Variants in CCDC177 observed in about 807,000 individuals in gnomAD.
The protein encoded by CCDC177 is coiled-coil domain containing 177, also known as coiled-coil domain-containing protein 177.
CCDC177 carries 2 observed loss-of-function variants against 7.3 expected under a neutral mutation model. The observed-to-expected ratio is 0.28, with a 90% CI of 0.11 to 0.87. The LOEUF (loss-of-function observed/expected upper bound fraction) is 0.87. Among genes scored for constraint, CCDC177 ranks in the 40% least tolerant of loss-of-function variants. The probability of loss-of-function intolerance (pLI) is 0.61; values close to 1 mark genes in which losing one functional copy is unlikely to be tolerated. For synonymous variants in CCDC177, 401 were observed against 449.2 expected (o/e 0.89, Z 1.36); for missense variants, 874 against 970.5 (o/e 0.90, Z 1.32).
rs1334340403 is a variant in CCDC177 at position 69,570,799 on chromosome 14, T to C, written c.*700A>G. ...CCAACCAATTTCCTGTGCCACTTGG[T>C]AGAATGAGGGAGGGGGCAAAGGACA... On this transcript the variant is annotated 3_prime_UTR_variant, in exon 2 of 2. Transcript: ENST00000599174. 1 of 457,474 alleles carries C rather than the reference T, an allele frequency of 2.2e-6. No homozygotes were observed. Among genetic ancestry groups the C allele is most frequent in the Admixed American group, 2.3e-5 (1 of 42,578 alleles). 28.3% of individuals were successfully genotyped at this position (457,474 alleles called of 1,614,324 possible).
In CCDC177 at chr14:69,572,423, C is replaced by T; in HGVS notation, c.1200G>A (p.Glu400=). The part of the protein sequence containing the change: ...QGRRAWAAQV[E]ERRGRRGREE... ...CGCGGCCACGGCGGCCTCGCCGCTC[C>T]TCCACCTGCGCGGCCCAGGCTCGGC... The change falls in exon 2 of 2, where the codon GAG becomes GAA. Residue 400 remains glutamate, a synonymous_variant. Transcript: ENST00000599174. The T allele has an allele frequency of 1.6e-6, 2 of 1,227,596 alleles. No individual in the cohort carries two copies. The highest frequency in any genetic ancestry group is 2.0e-6 in the Non-Finnish European group (2 of 985,402). The allele number at this position is 1,227,596 out of a possible 1,614,324, so 76.0% of individuals were successfully genotyped here.
chr14:69,572,062 G>A lies in CCDC177; in HGVS notation c.1561C>T (p.Arg521Trp). The stretch of plus-strand genomic sequence containing the variant: ...CCCTCTCGCTCCTGGCGCTGCTGCC[G>A]GGTCCGACCCTGTAGCAGCGCCTCG... ...RHEALLQGRT[R>W]QQRQEREGLR... Residue 521 changes from arginine to tryptophan, a missense_variant, in exon 2 of 2, where the codon CGG becomes TGG. Coordinates refer to ENST00000599174, the MANE Select transcript of CCDC177 (RefSeq NM_001271507.2). 8.1e-7 allele frequency: 1 copy of A among 1,230,850 alleles called. No homozygotes were observed. The highest frequency in any genetic ancestry group is 1.0e-6 in the Non-Finnish European group (1 of 987,408). 76.2% of individuals were successfully genotyped at this position (1,230,850 alleles called of 1,614,324 possible).
chr14:69,573,660 A>G lies in CCDC177; in HGVS notation c.-28-10T>C. 8.1e-7 allele frequency: 1 copy of G among 1,231,748 alleles called. No homozygotes were observed. Among genetic ancestry groups the G allele is most frequent in the Non-Finnish European group, 1.0e-6 (1 of 987,958 alleles). 76.3% of individuals were successfully genotyped at this position (1,231,748 alleles called of 1,614,324 possible). A position where few individuals can be genotyped will look rare whatever the true frequency, so the allele number is the denominator to read the frequency against. On this transcript the variant is annotated splice_polypyrimidine_tract_variant and intron_variant, in intron 1 of 1. Coordinates refer to ENST00000599174, the MANE Select transcript of CCDC177 (RefSeq NM_001271507.2). Reference sequence around the variant, plus strand: ...TCCTTTGTTGGAATCTCTGCAGATCACAAGGAGGGACATCGAGGAATACGT... The same window carrying G: ...TCCTTTGTTGGAATCTCTGCAGATCGCAAGGAGGGACATCGAGGAATACGT...
chr14:69,573,745 G>T, intron 1 of CCDC177, 95 bp from the exon 2 acceptor site: 1 of 1,104,734 alleles, frequency 9.1e-7, no homozygotes, highest in South Asian at 4.7e-5. Flanking sequence ...ATCCGCTTTC[G>T]GATTAGGCTC....
intron 1 of CCDC177, among the ~76,000 whole-genome samples, chr14:69,574,267 T>C (rs1480335303): frequency 6.6e-6 from 1 of 152,168 alleles, no homozygotes; most frequent in Non-Finnish European, 1.5e-5. Flanking sequence ...TGGCAGGGCT[T>C]ACTGAGGGCT....
In CCDC177 at chr14:69,571,113, G is replaced by A. The variant is rs1884315225; in HGVS notation, c.*386C>T. 8.4e-6 allele frequency: 4 copies of A among 474,550 alleles called. No homozygotes were observed. Among genetic ancestry groups the A allele is most frequent in the South Asian group, 5.1e-5 (3 of 58,762 alleles). The allele number at this position is 474,550 out of a possible 1,614,324, so 29.4% of individuals were successfully genotyped here. A position where few individuals can be genotyped will look rare whatever the true frequency, so the allele number is the denominator to read the frequency against. ...TCTCAGACACCAATGTCGAACAGGT[G>A]CCTGGGGCAACTGCTGCAGAAGGGG... On this transcript the variant is annotated 3_prime_UTR_variant, in exon 2 of 2. Coordinates refer to ENST00000599174, the MANE Select transcript of CCDC177 (RefSeq NM_001271507.2).
rs973874136 is a variant in CCDC177, at chr14:69,572,497, G to T, written c.1126C>A (p.Arg376=). Residue 376 remains arginine, a synonymous_variant, in exon 2 of 2, where the codon CGG becomes AGG. Transcript: ENST00000599174. ...TTCTCCCGCTCCTCGCGCTCCCGCC[G>T]CTGCTTGGCGTGCACGCGCTGCAGC... ...WELQRVHAKQ[R]REREEREKQR... 1.4e-5 allele frequency: 17 copies of T among 1,230,720 alleles called. No homozygotes were observed. Among genetic ancestry groups the T allele is most frequent in the Non-Finnish European group, 1.7e-5 (17 of 987,378 alleles). The allele number at this position is 1,230,720 out of a possible 1,614,324, so 76.2% of individuals were successfully genotyped here. A position where few individuals can be genotyped will look rare whatever the true frequency, so the allele number is the denominator to read the frequency against.
chr14:69,571,311 GAAGT>G lies in CCDC177; in HGVS notation c.*184_*187del, dbSNP rs957941178. ...GCAGATTGTGCTGTCATCTCCAAATGAAGTAAGTTTTAAAAACAAAGGGGGCCAG... is the reference window on the plus strand; with the variant it reads ...GCAGATTGTGCTGTCATCTCCAAATGAAGTTTTAAAAACAAAGGGGGCCAG... On this transcript the variant is annotated 3_prime_UTR_variant, in exon 2 of 2. Transcript: ENST00000599174. The G allele has an allele frequency of 7.3e-6, 4 of 545,058 alleles. No individual in the cohort carries two copies. In the African/African-American group the frequency reaches 7.5e-5, roughly 10 times the overall value. The allele number at this position is 545,058 out of a possible 1,614,324, so 33.8% of individuals were successfully genotyped here. A position where few individuals can be genotyped will look rare whatever the true frequency, so the allele number is the denominator to read the frequency against.
chr14:69,572,560 G>A lies in CCDC177; in HGVS notation c.1063C>T (p.Leu355=), dbSNP rs1595012469. Residue 355 remains leucine (L), a synonymous_variant, in exon 2 of 2, where the codon CTG becomes TTG. Coordinates refer to ENST00000599174, the MANE Select transcript of CCDC177 (RefSeq NM_001271507.2). ...TGGGCAGCCGCGCGTTGCTCCAGCA[G>A]CAGGAGCTCCTCCTGGTGCCGCGCC... The part of the protein sequence containing the change: ...MLARHQEELL[L]LEQRAAAHGQ... 1.6e-6 allele frequency: 2 copies of A among 1,231,174 alleles called. No homozygotes were observed. Among genetic ancestry groups the A allele is most frequent in the Non-Finnish European group, 2.0e-6 (2 of 987,540 alleles). The allele number at this position is 1,231,174 out of a possible 1,614,324, so 76.3% of individuals were successfully genotyped here.
rs991116326 is a variant in CCDC177 at position 69,571,900 on chromosome 14, C to T, written c.1723G>A (p.Glu575Lys). The change falls in exon 2 of 2, where the codon GAG becomes AAG. Residue 575 changes from glutamate to lysine, a missense_variant. Glu to Lys is a moderately conservative substitution (Grantham distance 56, BLOSUM62 1). Coordinates refer to ENST00000599174, the MANE Select transcript of CCDC177 (RefSeq NM_001271507.2). Reference sequence around the variant, plus strand: ...GCCTGATGTTCCCGCTCTTTGCGCTCTGCCGCCTCCTTGGCCCGCCGACCC... The same window carrying T: ...GCCTGATGTTCCCGCTCTTTGCGCTTTGCCGCCTCCTTGGCCCGCCGACCC... Reference protein sequence around the residue: ...LQGRRAKEAAERKEREHQAHL... With the variant: ...LQGRRAKEAAKRKEREHQAHL... 2 of 1,231,822 alleles carry T rather than the reference C, an allele frequency of 1.6e-6. No homozygotes were observed. The highest frequency in any genetic ancestry group is 3.2e-5 in the East Asian group (1 of 31,678). The allele number at this position is 1,231,822 out of a possible 1,614,324, so 76.3% of individuals were successfully genotyped here. A position where few individuals can be genotyped will look rare whatever the true frequency, so the allele number is the denominator to read the frequency against.
Position 69,571,506 on chromosome 14 carries a change from C to T in CCDC177, c.2117G>A (p.Arg706His), listed in dbSNP as rs1356908119. Residue 706 changes from arginine (R) to histidine (H), a missense_variant, in exon 2 of 2, where the codon CGC (arginine) becomes CAC (histidine). Coordinates refer to ENST00000599174, the MANE Select transcript of CCDC177 (RefSeq NM_001271507.2). ...GCTGGCAAAGAGCCGCAGTTATTTG[C>T]GGTCCAGGCTGGCGTGTAGCTGGGC... ...REAQLHASLDRK is the reference protein window; with the variant it reads ...REAQLHASLDHK The T allele has an allele frequency of 4.8e-6, 6 of 1,246,950 alleles. No homozygotes were observed. The East Asian group carries it at 9.1e-5, about 19-fold the overall frequency. 77.2% of individuals were successfully genotyped at this position (1,246,950 alleles called of 1,614,324 possible).
At chr14:69,574,275 G>T (rs1270048490) in intron 1 of CCDC177, among the ~76,000 whole-genome samples, 3 of 152,212 alleles carry the variant, frequency 2.0e-5, no homozygotes, top group African/African-American at 7.2e-5. Context: ...CTTACTGAGG[G>T]CTCTGCACGC....
chr14:69,571,357 G>A lies in CCDC177; in HGVS notation c.*142C>T. On this transcript the variant is annotated 3_prime_UTR_variant, in exon 2 of 2. Coordinates refer to ENST00000599174, the MANE Select transcript of CCDC177 (RefSeq NM_001271507.2). ...GGGGGCCAGCTGACAGGTCCCAAAC[G>A]TCTGTACTGTTGTTGCCTCATTGGT... 1.7e-6 allele frequency: 1 copy of A among 576,740 alleles called. No homozygotes were observed. Among genetic ancestry groups the A allele is most frequent in the Non-Finnish European group, 2.9e-6 (1 of 346,598 alleles). 35.7% of individuals were successfully genotyped at this position (576,740 alleles called of 1,614,324 possible).
chr14:69,571,470 G>T lies in CCDC177; in HGVS notation c.*29C>A, dbSNP rs1240565756. 8.1e-6 allele frequency: 10 copies of T among 1,240,408 alleles called. No individual in the cohort carries two copies. Among genetic ancestry groups the T allele is most frequent in the African/African-American group, 1.5e-5 (1 of 64,890 alleles). 76.8% of individuals were successfully genotyped at this position (1,240,408 alleles called of 1,614,324 possible). A position where few individuals can be genotyped will look rare whatever the true frequency, so the allele number is the denominator to read the frequency against. ...TGAGGGAGGCCCCAGGGGGCTGTGC[G>T]TGCCAATCTGGCTGGCAAAGAGCCG... On this transcript the variant is annotated 3_prime_UTR_variant, in exon 2 of 2. Transcript: ENST00000599174.
In CCDC177 at chr14:69,571,076, G is replaced by A. The variant is rs1333416669; in HGVS notation, c.*423C>T. On this transcript the variant is annotated 3_prime_UTR_variant, in exon 2 of 2. Transcript: ENST00000599174. ...GAGCCAGGGTGATGTTCCCTCAGCA[G>A]TAGCAACACTGTCTCAGACACCAAT... 3 of 473,376 alleles carry A rather than the reference G, an allele frequency of 6.3e-6. No homozygotes were observed. Among genetic ancestry groups the A allele is most frequent in the Non-Finnish European group, 8.4e-6 (2 of 238,808 alleles). The allele number at this position is 473,376 out of a possible 1,614,324, so 29.3% of individuals were successfully genotyped here.
At position 69,571,380 on chromosome 14, in the gene CCDC177, G is replaced by T; in HGVS notation, c.*119C>A. On this transcript the variant is annotated 3_prime_UTR_variant, in exon 2 of 2. Transcript: ENST00000599174. ...ACGTCTGTACTGTTGTTGCCTCATTGGTCAGAAGCCTCGAGAGGCCACCGC... is the reference window on the plus strand; with the variant it reads ...ACGTCTGTACTGTTGTTGCCTCATTTGTCAGAAGCCTCGAGAGGCCACCGC... 6.4e-6 allele frequency: 4 copies of T among 621,588 alleles called. No individual in the cohort carries two copies. Among genetic ancestry groups the T allele is most frequent in the South Asian group, 5.6e-5 (1 of 17,916 alleles). The allele number at this position is 621,588 out of a possible 1,614,324, so 38.5% of individuals were successfully genotyped here. A position where few individuals can be genotyped will look rare whatever the true frequency, so the allele number is the denominator to read the frequency against.
rs559111245 is a variant in CCDC177, at chr14:69,572,503, T to G, written c.1120A>C (p.Lys374Gln). ...GQWELQRVHAKQRREREEREK... is the reference protein window; with the variant it reads ...GQWELQRVHAQQRREREEREK... ...CGCTCCTCGCGCTCCCGCCGCTGCTTGGCGTGCACGCGCTGCAGCTCCCAC... is the reference window on the plus strand; with the variant it reads ...CGCTCCTCGCGCTCCCGCCGCTGCTGGGCGTGCACGCGCTGCAGCTCCCAC... The change falls in exon 2 of 2, where the codon AAG becomes CAG. Residue 374 changes from lysine to glutamine, a missense_variant. Physicochemically the swap from Lys to Gln is moderately conservative, Grantham distance 53. Transcript: ENST00000599174. The G allele has an allele frequency of 2.6e-4, 320 of 1,230,960 alleles. 2 individuals carry two copies. The African/African-American group carries it at 4.6e-3, about 18-fold the overall frequency. The allele number at this position is 1,230,960 out of a possible 1,614,324, so 76.3% of individuals were successfully genotyped here.
chr14:69,572,194 G>C lies in CCDC177; in HGVS notation c.1429C>G (p.Gln477Glu). 8.1e-7 allele frequency: 1 copy of C among 1,229,800 alleles called. No homozygotes were observed. Among genetic ancestry groups the C allele is most frequent in the Non-Finnish European group, 1.0e-6 (1 of 986,822 alleles). 76.2% of individuals were successfully genotyped at this position (1,229,800 alleles called of 1,614,324 possible). The stretch of plus-strand genomic sequence containing the variant: ...CGCTGGGCGCGCTCCCTGCGGATCT[G>C]CTCAGCCCGCTCCCGCCCTTCCTGT... Reference protein sequence around the residue: ...GLQEGRERAEQIRRERAQRAA... With the variant: ...GLQEGRERAEEIRRERAQRAA... The change falls in exon 2 of 2, where the codon CAG (glutamine) becomes GAG (glutamate). Residue 477 changes from glutamine to glutamate, a missense_variant. Physicochemically the swap from Gln to Glu is conservative, Grantham distance 29 (BLOSUM62 2). Coordinates refer to ENST00000599174, the MANE Select transcript of CCDC177 (RefSeq NM_001271507.2).
chr14:69,572,441 G>A lies in CCDC177; in HGVS notation c.1182C>T (p.Ala394=). 1 of 1,228,626 alleles carries A rather than the reference G, an allele frequency of 8.1e-7. No individual in the cohort carries two copies. Among genetic ancestry groups the A allele is most frequent in the Non-Finnish European group, 1.0e-6 (1 of 986,142 alleles). 76.1% of individuals were successfully genotyped at this position (1,228,626 alleles called of 1,614,324 possible). A position where few individuals can be genotyped will look rare whatever the true frequency, so the allele number is the denominator to read the frequency against. ...KQRALEQGRR[A]WAAQVEERRG... Reference sequence around the variant, plus strand: ...GCCGCTCCTCCACCTGCGCGGCCCAGGCTCGGCGGCCCTGCTCTAGGGCGC... The same window carrying A: ...GCCGCTCCTCCACCTGCGCGGCCCAAGCTCGGCGGCCCTGCTCTAGGGCGC... The change falls in exon 2 of 2, where the codon GCC becomes GCT. Residue 394 remains alanine, a synonymous_variant. Coordinates refer to ENST00000599174, the MANE Select transcript of CCDC177 (RefSeq NM_001271507.2).
Sources: gnomAD v4.1 joint callset for allele counts (sites outside exome capture counted in the v4.1 genomes callset) on GRCh38, gnomAD v4.1.1 for gene constraint, MANE v1.5 for transcripts, NCBI Gene and HGNC (gene_info 2026-07-23, HGNC 2026-07-21) for gene names.